Variants in MAPK10 observed in about 807,000 individuals in gnomAD.
MAPK10 encodes the protein JNK3 alpha protein kinase.
Under a neutral mutation model 59.3 loss-of-function variants are expected in MAPK10, and 25 were observed. The observed-to-expected ratio is 0.42, with a 90% CI of 0.31 to 0.59. MAPK10 has a LOEUF of 0.59. Ranked by LOEUF, MAPK10 falls within the 20% of genes least tolerant of loss-of-function variation. The pLI, the probability that MAPK10 is intolerant of heterozygous loss-of-function variation, is 0.15. For missense variants in MAPK10, 351 were observed against 568.9 expected (o/e 0.62, Z 3.90); for synonymous variants, 190 against 200.5 (o/e 0.95, Z 0.44).
chr4:86,349,888 G>A (rs1730277615), intron 2 of MAPK10, among the ~76,000 whole-genome samples: 1 of 152,052 alleles, frequency 6.6e-6, no homozygotes, highest in Admixed American at 6.6e-5. Flanking sequence ...AGTAAGTAAG[G>A]GCTGTGCAGA....
At chr4:86,213,698 A>G (rs2086516812) in intron 2 of MAPK10, among the ~76,000 whole-genome samples, 1 of 152,108 alleles carries the variant, frequency 6.6e-6, no homozygotes, top group Admixed American at 6.5e-5. Flanking sequence ...ACCTGTTACT[A>G]GCAAGGAAAT....
chr4:86,100,175 A>G (rs538593604), intron 8 of MAPK10: 16 of 152,322 alleles, frequency 1.1e-4, no homozygotes, highest in African/African-American at 3.6e-4. Flanking sequence ...TAAATATTAA[A>G]GATACACTGA....
intron 1 of MAPK10, among the ~76,000 whole-genome samples, chr4:86,372,918 C>A (rs1402488469): frequency 6.6e-6 from 1 of 152,098 alleles, no homozygotes; most frequent in Non-Finnish European, 1.5e-5. Flanking sequence ...CTTTAAATTT[C>A]ATGTGGAACC....
chr4:86,322,596 G>T (rs183334019), intron 2 of MAPK10, among the ~76,000 whole-genome samples: 256 of 152,292 alleles, frequency 1.7e-3, no homozygotes, highest in African/African-American at 6.0e-3. Context: ...TCAATTCCAC[G>T]TTTGTTTGTA....
intron 5 of MAPK10, 54 bp from the exon 6 acceptor site, chr4:86,103,298 A>C: frequency 2.2e-6 from 2 of 919,836 alleles, no homozygotes; most frequent in Non-Finnish European, 3.6e-6. Context: ...AAGAGAGAGA[A>C]TGTATTATTT....
chr4:86,375,020 C>A (rs1739558028), intron 1 of MAPK10, among the ~76,000 whole-genome samples: 2 of 152,168 alleles, frequency 1.3e-5, no homozygotes, highest in South Asian at 4.1e-4. Flanking sequence ...ATTGCTTCTG[C>A]TCTTTCATGG....
chr4:86,132,391 C>G (rs1332846479), intron 4 of MAPK10, among the ~76,000 whole-genome samples: 1 of 152,034 alleles, frequency 6.6e-6, no homozygotes, highest in Non-Finnish European at 1.5e-5. Context: ...AATATATTTA[C>G]CTTATTGAGG....
chr4:86,069,548 C>G (rs80063465), intron 9 of MAPK10, among the ~76,000 whole-genome samples: 1 of 152,056 alleles, frequency 6.6e-6, no homozygotes, highest in East Asian at 1.9e-4. Context: ...AGACATGAGC[C>G]TGTATTAATA....
At chr4:86,138,801 C>G in intron 4 of MAPK10, among the ~76,000 whole-genome samples, 1 of 152,014 alleles carries the variant, frequency 6.6e-6, no homozygotes, top group Non-Finnish European at 1.5e-5. Flanking sequence ...TGTCTTAGCC[C>G]AGAATCTCCT....
intron 11 of MAPK10, among the ~76,000 whole-genome samples, chr4:86,036,816 G>A (rs1033434160): frequency 2.0e-5 from 3 of 152,062 alleles, no homozygotes; most frequent in South Asian, 2.1e-4. Flanking sequence ...TAGCACTTAC[G>A]CCCTTCGCTC....
chr4:86,108,704 G>A (rs575558826), intron 4 of MAPK10, among the ~76,000 whole-genome samples: 1 of 152,228 alleles, frequency 6.6e-6, no homozygotes. Context: ...GAATAGAAAT[G>A]CCATCATTCT....
In MAPK10 at chr4:86,579,516, T is replaced by TACACACACACACAC. The variant is rs35878270; in HGVS notation, c.-263+14380_-263+14393dup. Among the ~76,000 whole-genome samples, 178 of 146,292 alleles carry TACACACACACACAC rather than the reference T, an allele frequency of 1.2e-3. 1 individual carries two copies. The highest frequency in any genetic ancestry group is 6.4e-3 in the Admixed American group (94 of 14,600). ...ATACAAGCAAATATGGATATGTGTA[T>TACACACACACACAC]ACACACACACACACACACACACACA... On this transcript the variant is annotated intron_variant, in intron 1 of 4. Transcript: ENST00000502302.
chr4:86,080,974 A>G (rs910582094), intron 9 of MAPK10: 8 of 152,014 alleles, frequency 5.3e-5, no homozygotes, highest in African/African-American at 1.9e-4. Flanking sequence ...GATAATTCTG[A>G]AGATGACAAA....
chr4:86,175,413 C>T (rs997239348), intron 3 of MAPK10, among the ~76,000 whole-genome samples: 1 of 152,034 alleles, frequency 6.6e-6, no homozygotes, highest in African/African-American at 2.4e-5. Flanking sequence ...TATGTCTACC[C>T]CAATCTCCTG....
At chr4:86,325,880 C>A (rs1281194169) in intron 2 of MAPK10, 1 of 152,134 alleles carries the variant, frequency 6.6e-6, no homozygotes, top group Non-Finnish European at 1.5e-5. Flanking sequence ...CATTTGTCAA[C>A]TAATTTATAC....
At chr4:86,364,713 T>A (rs1737555507), upstream of MAPK10, among the ~76,000 whole-genome samples, 1 of 152,076 alleles carries the variant, frequency 6.6e-6, no homozygotes, top group African/African-American at 2.4e-5. Flanking sequence ...AGGTGTGGTG[T>A]CTCACACCTG....
At chr4:86,426,057 C>T (rs1747242367) in intron 1 of MAPK10, among the ~76,000 whole-genome samples, 1 of 152,188 alleles carries the variant, frequency 6.6e-6, no homozygotes, top group Admixed American at 6.5e-5. Flanking sequence ...CAAAAAGTCT[C>T]TGTATTTATT....
At chr4:86,140,526 A>T (rs2149176265) in intron 4 of MAPK10, among the ~76,000 whole-genome samples, 1 of 110,354 alleles carries the variant, frequency 9.1e-6, no homozygotes, top group Non-Finnish European at 1.7e-5. Context: ...CACTCTGGGG[A>T]CTATTGTGGG....
intron 2 of MAPK10, among the ~76,000 whole-genome samples, chr4:86,316,438 T>C (rs1160752958): frequency 1.3e-5 from 2 of 152,154 alleles, no homozygotes; most frequent in Middle Eastern, 3.2e-3. Context: ...AATATCTATG[T>C]ACAAATTATC....
Sources: gnomAD v4.1 joint callset for allele counts (sites outside exome capture counted in the v4.1 genomes callset) on GRCh38, gnomAD v4.1.1 for gene constraint, MANE v1.5 for transcripts, NCBI Gene and HGNC (gene_info 2026-07-23, HGNC 2026-07-21) for gene names.